Variants in SLC25A39 observed in about 807,000 individuals in gnomAD.
SLC25A39 encodes mitochondrial glutathione transporter SLC25A39.
In SLC25A39, 44 loss-of-function variants were observed where a neutral mutation model predicts 46.6. That is an observed-to-expected ratio of 0.94 (90% CI 0.74 to 1.21). The LOEUF (loss-of-function observed/expected upper bound fraction) is 1.21, where lower values mean the gene tolerates loss of function less well. Ranked by LOEUF, SLC25A39 falls within the 50% of genes most tolerant of loss-of-function variation. SLC25A39 has a pLI of 0.00. For synonymous variants in SLC25A39, 218 were observed against 190.6 expected, an observed-to-expected ratio of 1.14 and a Z score of -1.19; for missense variants, 487 against 473.0, an observed-to-expected ratio of 1.03 and a Z score of -0.28.
chr17:44,322,965 C>T, intron 3 of SLC25A39, 113 bp from the exon 4 acceptor site: 1 of 1,147,526 alleles, frequency 8.7e-7, no homozygotes, highest in Non-Finnish European at 1.3e-6. Context: ...CTCTGTCGCC[C>T]ACCCTGGAGC....
chr17:44,320,409 C>CA lies in SLC25A39; in HGVS notation c.828dup (p.Asp277Ter). Reference sequence around the variant, plus strand: ...ACCTGGCGTTGGGTCTTTACCACGTCAAAGGGTAGAGTCAGCACTGCAGCC... The same window carrying CA: ...ACCTGGCGTTGGGTCTTTACCACGTCAAAAGGGTAGAGTCAGCACTGCAGCC... On this transcript the variant is annotated frameshift_variant, in exon 10 of 12. Transcript: ENST00000377095. LOFTEE classifies it high-confidence loss of function. 6.2e-7 allele frequency: 1 copy of CA among 1,613,630 alleles called. No homozygotes were observed. The highest frequency in any genetic ancestry group is 8.5e-7 in the Non-Finnish European group (1 of 1,180,030).
chr17:44,321,644 G>A, intron 6 of SLC25A39, 56 bp downstream of exon 6: 1 of 1,607,108 alleles, frequency 6.2e-7, no homozygotes, highest in South Asian at 1.1e-5. Context: ...CCATTCAACA[G>A]GGAGCAAAGG....
Position 44,323,481 on chromosome 17 carries a change from A to T in SLC25A39, c.82T>A (p.Phe28Ile). The change falls in exon 2 of 12, where the codon TTC becomes ATC. Residue 28 changes from phenylalanine (F) to isoleucine (I), a missense_variant. Phe to Ile is a conservative substitution (Grantham distance 21). Coordinates refer to ENST00000377095, the MANE Select transcript of SLC25A39 (RefSeq NM_001143780.3). The part of the protein sequence containing the change: ...SGTGAVVTSL[F>I]MTPLDVVKVR... ...CCCCACCTCCCCTAGGTCTTACTGA[A>T]GAGAGAGGTAACCACAGCCCCGGTG... 7 of 1,474,534 alleles carry T rather than the reference A, an allele frequency of 4.7e-6. No individual in the cohort carries two copies. Among genetic ancestry groups the T allele is most frequent in the Non-Finnish European group, 5.5e-6 (6 of 1,100,690 alleles). 91.3% of individuals were successfully genotyped at this position (1,474,534 alleles called of 1,614,324 possible). A position where few individuals can be genotyped will look rare whatever the true frequency, so the allele number is the denominator to read the frequency against.
rs771199489 is a variant in SLC25A39 at position 44,323,575 on chromosome 17, G to C, written c.-13C>G. The stretch of plus-strand genomic sequence containing the variant: ...CCTGGTCAGCCATCTTGAAGCTTCA[G>C]TCCTGAAAACCAAACCTCAAACAGA... On this transcript the variant is annotated splice_region_variant and 5_prime_UTR_variant, in exon 2 of 12. Transcript: ENST00000377095. 1 of 1,561,090 alleles carries C rather than the reference G, an allele frequency of 6.4e-7. No homozygotes were observed. The highest frequency in any genetic ancestry group is 1.2e-5 in the South Asian group (1 of 84,614).
chr17:44,320,987 G>A, intron 8 of SLC25A39, 71 bp downstream of exon 8: 3 of 1,483,492 alleles, frequency 2.0e-6, no homozygotes, highest in South Asian at 1.4e-5. Flanking sequence ...ACAAAGCTGG[G>A]ACTTGGCTGT....
At chr17:44,323,806 T>G in intron 1 of SLC25A39, 1 of 533,132 alleles carries the variant, frequency 1.9e-6, no homozygotes, top group Non-Finnish European at 3.3e-6. Flanking sequence ...CACGCCTAGT[T>G]AATTTTTGCA....
chr17:44,323,243 C>T (rs1402123059), intron 3 of SLC25A39, 41 bp downstream of exon 3: 15 of 1,611,304 alleles, frequency 9.3e-6, no homozygotes, highest in Non-Finnish European at 1.0e-5. Context: ...CTTTCTTTTG[C>T]CCAGGCACCA....
chr17:44,320,825 T>C (rs2048007661), intron 8 of SLC25A39, 94 bp from the exon 9 acceptor site: 5 of 1,100,298 alleles, frequency 4.5e-6, no homozygotes, highest in East Asian at 4.7e-5. Context: ...CTCCCAGCTG[T>C]GAGTCTTGTC....
intron 8 of SLC25A39, 56 bp from the exon 9 acceptor site, chr17:44,320,787 A>C (rs776636632): frequency 2.2e-6 from 3 of 1,373,144 alleles, no homozygotes; most frequent in Non-Finnish European, 3.1e-6. Flanking sequence ...GTGGCCCCAG[A>C]CCGTCCACCT....
At chr17:44,321,332 C>G (rs921094053) in intron 7 of SLC25A39, 101 bp from the exon 8 acceptor site, 2 of 1,592,106 alleles carry the variant, frequency 1.3e-6, no homozygotes, top group Non-Finnish European at 1.7e-6. Flanking sequence ...AGAACACCCC[C>G]CTATCCCTAG....
chr17:44,323,439 A>AAGCCCCCCCCCCCCCCCCCCCCC, intron 2 of SLC25A39, 39 bp downstream of exon 2: 2 of 257,086 alleles, frequency 7.8e-6, no homozygotes, highest in Middle Eastern at 1.3e-3. Flanking sequence ...GGTCTGCCCC[A>AAGCCCCCCCCCCCCCCCCCCCCC]TCCCCACCCG....
chr17:44,320,533 A>C, intron 9 of SLC25A39, 89 bp downstream of exon 9: 1 of 1,575,598 alleles, frequency 6.3e-7, no homozygotes, highest in Non-Finnish European at 8.7e-7. Context: ...CAAAGGCCTC[A>C]TGGGGTCTGC....
chr17:44,323,439 A>AGGG, intron 2 of SLC25A39, 39 bp downstream of exon 2: 1 of 257,114 alleles, frequency 3.9e-6, no homozygotes, highest in Non-Finnish European at 5.7e-6. Flanking sequence ...GGTCTGCCCC[A>AGGG]TCCCCACCCG....
chr17:44,321,613 A>C, intron 6 of SLC25A39, 55 bp from the exon 7 acceptor site: 1 of 1,609,538 alleles, frequency 6.2e-7, no homozygotes, highest in South Asian at 1.1e-5. Flanking sequence ...AAACTTTTAA[A>C]GCATCACCTG....
chr17:44,320,664 A>G lies in SLC25A39; in HGVS notation c.759T>C (p.Thr253=), dbSNP rs745441194. 5.0e-6 allele frequency: 8 copies of G among 1,614,028 alleles called. No individual in the cohort carries two copies. The African/African-American group carries it at 8.0e-5, about 16-fold the overall frequency. ...WLNGFRPKDQ[T]SVGMSFVAGG... is the part of the protein sequence containing the mutation. Reference sequence around the variant, plus strand: ...CAGCCACAAAGCTCATGCCCACAGAAGTCTGGTCCTTCGGCCTGAACCCAT... The same window carrying G: ...CAGCCACAAAGCTCATGCCCACAGAGGTCTGGTCCTTCGGCCTGAACCCAT... The change falls in exon 9 of 12, where the codon ACT becomes ACC. Residue 253 remains threonine (T), a synonymous_variant. Transcript: ENST00000377095.
At chr17:44,322,220 G>T (rs973997649) in intron 5 of SLC25A39, among the ~76,000 whole-genome samples, 199 bp downstream of exon 5, 1 of 152,202 alleles carries the variant, frequency 6.6e-6, no homozygotes, top group Admixed American at 6.5e-5. Context: ...CCGCACTCCA[G>T]CCTGGGTGAC....
chr17:44,320,917 C>T (rs1360538169), intron 8 of SLC25A39, 141 bp downstream of exon 8: 3 of 1,113,598 alleles, frequency 2.7e-6, no homozygotes, highest in South Asian at 1.6e-5. Context: ...CTGCTAGGCC[C>T]ACTTCACAGA....
rs759620735 is a variant in SLC25A39, at chr17:44,320,713, T to C, written c.710A>G (p.Tyr237Cys). The change falls in exon 9 of 12, where the codon TAT (tyrosine) becomes TGT (cysteine). Residue 237 changes from tyrosine to cysteine, a missense_variant. Coordinates refer to ENST00000377095, the MANE Select transcript of SLC25A39 (RefSeq NM_001143780.3). ...VPFSALYWFNYELVKSWLNGF... is the reference protein window; with the variant it reads ...VPFSALYWFNCELVKSWLNGF... Reference sequence around the variant, plus strand: ...ATTGAGCCAGCTCTTCACCAGCTCATAGTTGAACCAGTACAGGGCTTGGGG... The same window carrying C: ...ATTGAGCCAGCTCTTCACCAGCTCACAGTTGAACCAGTACAGGGCTTGGGG... 5 of 1,613,794 alleles carry C rather than the reference T, an allele frequency of 3.1e-6. No individual in the cohort carries two copies. The highest frequency in any genetic ancestry group is 1.3e-5 in the African/African-American group (1 of 74,914).
rs767647491 is a variant in SLC25A39 at position 44,323,446 on chromosome 17, C to T, written c.85+32G>A. On this transcript the variant is annotated intron_variant, in intron 2 of 11. Coordinates refer to ENST00000377095, the MANE Select transcript of SLC25A39 (RefSeq NM_001143780.3). Reference sequence around the variant, plus strand: ...CAATCTCCGGTCTGCCCCATCCCCACCCGCCCCCACCCCACCTCCCCTAGG... The same window carrying T: ...CAATCTCCGGTCTGCCCCATCCCCATCCGCCCCCACCCCACCTCCCCTAGG... 4 of 1,304,848 alleles carry T rather than the reference C, an allele frequency of 3.1e-6. No homozygotes were observed. In the African/African-American group the frequency reaches 6.1e-5, roughly 20 times the overall value. 80.8% of individuals were successfully genotyped at this position (1,304,848 alleles called of 1,614,324 possible).
Sources: allele counts gnomAD v4.1 joint callset (sites outside exome capture counted in the v4.1 genomes callset), GRCh38; gene constraint gnomAD v4.1.1; transcripts MANE v1.5; gene names NCBI Gene and HGNC (gene_info 2026-07-23, HGNC 2026-07-21).